Variants in FIBCD1 observed in about 807,000 individuals in gnomAD.
FIBCD1 encodes the protein fibrinogen C domain containing 1, also known as fibrinogen C domain-containing protein 1.
A neutral mutation model predicts 45.1 loss-of-function variants in FIBCD1; 47 were observed. The observed-to-expected ratio is 1.04, with a 90% CI of 0.82 to 1.33. The LOEUF (loss-of-function observed/expected upper bound fraction) is 1.33. Ranked by LOEUF, FIBCD1 falls within the 40% of genes most tolerant of loss-of-function variation. The pLI is 0.00. For missense variants in FIBCD1, 653 were observed against 682.2 expected (o/e 0.96, Z 0.48); for synonymous variants, 313 against 308.1 (o/e 1.02, Z -0.17).
chr9:130,929,413 C>A (rs1409747481), intron 2 of FIBCD1, among the ~76,000 whole-genome samples, 154 bp downstream of exon 2: 1 of 152,204 alleles, frequency 6.6e-6, no homozygotes, highest in African/African-American at 2.4e-5. Flanking sequence ...CCCTGAGCTT[C>A]ATGGGCTTGT....
At chr9:130,939,657 G>A (rs894593736), upstream of FIBCD1, among the ~76,000 whole-genome samples, 1 of 151,498 alleles carries the variant, frequency 6.6e-6, no homozygotes, top group South Asian at 2.1e-4. Context: ...GCTCGGCCGC[G>A]CTCCCGGCCG....
chr9:130,913,299 GCGGCC>G, intron 4 of FIBCD1, among the ~76,000 whole-genome samples: 1 of 146,776 alleles, frequency 6.8e-6, no homozygotes, highest in Admixed American at 6.8e-5. Flanking sequence ...GGCAGCGCCC[GCGGCC>G]CGGCCGGCCT....
intron 2 of FIBCD1, among the ~76,000 whole-genome samples, chr9:130,925,422 G>C (rs2133109397): frequency 6.6e-6 from 1 of 152,258 alleles, no homozygotes; most frequent in Admixed American, 6.5e-5. Context: ...TTGGACCCAG[G>C]TTCTGGTGTT....
intron 1 of FIBCD1, among the ~76,000 whole-genome samples, chr9:130,934,736 G>A (rs1015919573): frequency 1.3e-5 from 2 of 152,112 alleles, no homozygotes; most frequent in African/African-American, 2.4e-5. Context: ...TTTTTCACTC[G>A]GGGATGGCAC....
Position 130,938,732 on chromosome 9 carries a change from G to T in FIBCD1, c.-125C>A. ...CGCCGGGTCCCCGCCTCTGTGCCCC[G>T]CGCCGGGGCGGCCCGGGAGCGGGCG... is the stretch of plus-strand genomic sequence containing the variant. On this transcript the variant is annotated 5_prime_UTR_variant, in exon 1 of 7. Transcript: ENST00000372338. 1 of 387,842 alleles carries T rather than the reference G, an allele frequency of 2.6e-6. No homozygotes were observed. The highest frequency in any genetic ancestry group is 3.7e-6 in the Non-Finnish European group (1 of 272,638). 24.0% of individuals were successfully genotyped at this position (387,842 alleles called of 1,614,324 possible). A position where few individuals can be genotyped will look rare whatever the true frequency, so the allele number is the denominator to read the frequency against.
chr9:130,936,630 C>T (rs546070244), intron 1 of FIBCD1, among the ~76,000 whole-genome samples: 3 of 152,378 alleles, frequency 2.0e-5, no homozygotes, highest in Admixed American at 2.0e-4. Context: ...GAAGGCACCT[C>T]CCCTTGAGAC....
At chr9:130,930,947 TC>T (rs1322067561) in intron 1 of FIBCD1, among the ~76,000 whole-genome samples, 3 of 152,084 alleles carry the variant, frequency 2.0e-5, no homozygotes, top group African/African-American at 7.2e-5. Context: ...GAAGGTCCCT[TC>T]CAACTGCAGC....
chr9:130,929,750 C>T lies in FIBCD1; in HGVS notation c.369G>A (p.Gln123=). Reference sequence around the variant, plus strand: ...GGTCGCCCACCAGCCGTGGCTGGGCCTGGTGCTCTGTCAGCGCCTGCAGCA... The same window carrying T: ...GGTCGCCCACCAGCCGTGGCTGGGCTTGGTGCTCTGTCAGCGCCTGCAGCA... ...ASVLQALTEH[Q]AQPRLVGDQE... The change falls in exon 2 of 7, where the codon CAG becomes CAA. Residue 123 remains glutamine (Q), a synonymous_variant. Coordinates refer to ENST00000372338, the MANE Select transcript of FIBCD1 (RefSeq NM_032843.5). 7 of 1,567,324 alleles carry T rather than the reference C, an allele frequency of 4.5e-6. No individual in the cohort carries two copies. The highest frequency in any genetic ancestry group is 6.1e-6 in the Non-Finnish European group (7 of 1,156,478).
At chr9:130,931,397 T>A (rs534212561) in intron 1 of FIBCD1, among the ~76,000 whole-genome samples, 73 of 152,236 alleles carry the variant, frequency 4.8e-4, no homozygotes, top group Non-Finnish European at 7.6e-4. Context: ...AAATCCCAGC[T>A]ACTCGGGAGG....
chr9:130,938,523 C>A lies in FIBCD1; in HGVS notation c.72+13G>T. 4 of 1,486,088 alleles carry A rather than the reference C, an allele frequency of 2.7e-6. No homozygotes were observed. Among genetic ancestry groups the A allele is most frequent in the East Asian group, 2.9e-5 (1 of 34,642 alleles). The allele number at this position is 1,486,088 out of a possible 1,614,324, so 92.1% of individuals were successfully genotyped here. The stretch of plus-strand genomic sequence containing the variant: ...CAGCCGCCCAGGCCCCGTGTCCCAG[C>A]GCCCGAGCGTACCTGCGGCTTGTCG... On this transcript the variant is annotated intron_variant, in intron 1 of 6. Coordinates refer to ENST00000372338, the MANE Select transcript of FIBCD1 (RefSeq NM_032843.5).
chr9:130,914,586 GCAGGTGAGCTGATGTA>G (rs1431405038), intron 4 of FIBCD1, among the ~76,000 whole-genome samples: 1 of 152,226 alleles, frequency 6.6e-6, no homozygotes, highest in African/African-American at 2.4e-5. Flanking sequence ...CCAACCAGGG[GCAGGTGAGCTGATGTA>G]CAGGTGCCCA....
At chr9:130,927,161 T>C (rs1564339741) in intron 2 of FIBCD1, among the ~76,000 whole-genome samples, 1 of 151,764 alleles carries the variant, frequency 6.6e-6, no homozygotes, top group Non-Finnish European at 1.5e-5. Context: ...GAGGATTGTC[T>C]GAGCCCAGGA....
chr9:130,907,839 C>T (rs1158924400), intron 5 of FIBCD1, among the ~76,000 whole-genome samples: 2 of 142,430 alleles, frequency 1.4e-5, no homozygotes, highest in Non-Finnish European at 1.5e-5. Context: ...GTGGAGGTTG[C>T]AGTGAGCTGA....
At position 130,903,551 on chromosome 9, in the gene FIBCD1, G is replaced by A. The variant is rs1831871562; in HGVS notation, c.*513C>T. The A allele has an allele frequency of 5.0e-6, 1 of 200,802 alleles. No homozygotes were observed. The highest frequency in any genetic ancestry group is 5.3e-5 in the Admixed American group (1 of 18,838). The allele number at this position is 200,802 out of a possible 1,614,324, so 12.4% of individuals were successfully genotyped here. On this transcript the variant is annotated 3_prime_UTR_variant, in exon 7 of 7. Coordinates refer to ENST00000372338, the MANE Select transcript of FIBCD1 (RefSeq NM_032843.5). The stretch of plus-strand genomic sequence containing the variant: ...CCTTGGGGGAGAGGTGGGTTCTCTG[G>A]GCACCAGGGAAACGGGGTGGGGGTT...
intron 4 of FIBCD1, among the ~76,000 whole-genome samples, chr9:130,914,766 C>A: frequency 6.6e-6 from 1 of 152,178 alleles, no homozygotes; most frequent in Non-Finnish European, 1.5e-5. Context: ...CTGCCATTTA[C>A]GTAACTCGCC....
chr9:130,933,289 G>A (rs766004236), intron 1 of FIBCD1, among the ~76,000 whole-genome samples: 3 of 152,236 alleles, frequency 2.0e-5, no homozygotes, highest in Non-Finnish European at 2.9e-5. Context: ...TCTGGGCGCT[G>A]AGCAGCCCAA....
intron 4 of FIBCD1, 25 bp from the exon 5 acceptor site, chr9:130,911,913 G>A: frequency 6.4e-7 from 1 of 1,550,692 alleles, no homozygotes; most frequent in Non-Finnish European, 8.7e-7. Context: ...TGGGGATGGG[G>A]CGTTGGCACC....
intron 5 of FIBCD1, among the ~76,000 whole-genome samples, chr9:130,911,068 G>C (rs1832028409): frequency 6.6e-6 from 1 of 152,216 alleles, no homozygotes; most frequent in African/African-American, 2.4e-5. Flanking sequence ...GCCCCAGCCA[G>C]CCTCGGCAAC....
intron 4 of FIBCD1, among the ~76,000 whole-genome samples, chr9:130,920,094 G>T (rs1314851547): frequency 6.6e-6 from 1 of 151,546 alleles, no homozygotes; most frequent in East Asian, 1.9e-4. Context: ...AGGCAAGAGG[G>T]CCGCCCCACT....
Sources: allele counts gnomAD v4.1 joint callset (sites outside exome capture counted in the v4.1 genomes callset), GRCh38; gene constraint gnomAD v4.1.1; transcripts MANE v1.5; gene names NCBI Gene and HGNC (gene_info 2026-07-23, HGNC 2026-07-21).